The following KIF9 variants were observed in gnomAD, a reference collection of about 807,000 sequenced individuals.
The protein encoded by KIF9 is kinesin-like protein KIF9.
KIF9 carries 68 observed loss-of-function variants against 94.8 expected under a neutral mutation model. That is an observed-to-expected ratio of 0.72 (90% CI 0.59 to 0.88). The LOEUF is 0.88. KIF9 is among the 40% of genes least tolerant of loss of function. The probability of loss-of-function intolerance (pLI) is 0.00; values close to 1 mark genes in which losing one functional copy is unlikely to be tolerated. For missense variants in KIF9, 882 were observed against 982.5 expected, an observed-to-expected ratio of 0.90 and a Z score of 1.37; for synonymous variants, 343 against 362.1, an observed-to-expected ratio of 0.95 and a Z score of 0.60.
chr3:47,233,809 G>A (rs1385268437), intron 20 of KIF9, among the ~76,000 whole-genome samples: 2 of 151,884 alleles, frequency 1.3e-5, no homozygotes, highest in African/African-American at 2.4e-5. Context: ...CTGAGGGGAA[G>A]CCAGGCACGG....
chr3:47,272,849 A>T (rs903606229), intron 4 of KIF9, among the ~76,000 whole-genome samples: 1 of 152,202 alleles, frequency 6.6e-6, no homozygotes, highest in Non-Finnish European at 1.5e-5. Context: ...CTCCAAAAAC[A>T]GGAGCATGGA....
chr3:47,244,622 C>G (rs759385999), intron 15 of KIF9, 169 bp downstream of exon 15: 1 of 808,170 alleles, frequency 1.2e-6, no homozygotes, highest in African/African-American at 1.7e-5. Flanking sequence ...CGGTTCCAAA[C>G]CAGCCCCAGC....
chr3:47,282,136 T>C, intron 1 of KIF9: 2 of 963,146 alleles, frequency 2.1e-6, no homozygotes, highest in Non-Finnish European at 2.5e-6. Flanking sequence ...AGAGGTTTCC[T>C]CACCTGTAAC....
chr3:47,251,204 C>A (rs1400651939), intron 10 of KIF9, among the ~76,000 whole-genome samples: 1 of 152,214 alleles, frequency 6.6e-6, no homozygotes, highest in Non-Finnish European at 1.5e-5. Flanking sequence ...CATCAGGGTC[C>A]TCCAGCTTGA....
At chr3:47,278,749 A>G (rs1414855032) in intron 1 of KIF9, among the ~76,000 whole-genome samples, 1 of 152,050 alleles carries the variant, frequency 6.6e-6, no homozygotes, top group Non-Finnish European at 1.5e-5. Context: ...AGGCAGGTGG[A>G]TTACCTGAGG....
chr3:47,266,569 T>C (rs1378185515), intron 7 of KIF9, among the ~76,000 whole-genome samples: 1 of 152,140 alleles, frequency 6.6e-6, no homozygotes, highest in African/African-American at 2.4e-5. Flanking sequence ...CACTTGAGCC[T>C]GGGAGGTCAA....
At chr3:47,266,185 C>T (rs1276000395) in intron 7 of KIF9, 1 of 282,248 alleles carries the variant, frequency 3.5e-6, no homozygotes, top group African/African-American at 2.1e-5. Flanking sequence ...TACTGAAATA[C>T]TTGTCTAGAT....
intron 10 of KIF9, among the ~76,000 whole-genome samples, chr3:47,249,239 G>A (rs551148430): frequency 1.3e-5 from 2 of 150,562 alleles, no homozygotes; most frequent in East Asian, 2.0e-4. Context: ...TCTGCCTCCC[G>A]GGTTCATGTA....
chr3:47,241,815 GTA>G (rs1265611025), intron 16 of KIF9, among the ~76,000 whole-genome samples: 2 of 126,370 alleles, frequency 1.6e-5, no homozygotes, highest in African/African-American at 6.2e-5. Context: ...ATGTATATAT[GTA>G]TATATATACA....
chr3:47,275,177 C>T (rs1482558529), intron 3 of KIF9, 148 bp downstream of exon 3: 2 of 644,656 alleles, frequency 3.1e-6, no homozygotes, highest in Non-Finnish European at 5.2e-6. Flanking sequence ...TGTCAACAAG[C>T]AAACAGTAAG....
intron 7 of KIF9, 43 bp from the exon 8 acceptor site, chr3:47,265,920 GCTGCCCC>G: frequency 6.2e-7 from 1 of 1,607,770 alleles, no homozygotes; most frequent in East Asian, 2.2e-5. Flanking sequence ...GAATAAAGCA[GCTGCCCC>G]ACTAAGAATA....
chr3:47,241,090 T>C (rs1699445277), intron 16 of KIF9, 75 bp from the exon 17 acceptor site: 1 of 1,343,238 alleles, frequency 7.4e-7, no homozygotes, highest in Non-Finnish European at 1.1e-6. Flanking sequence ...TTCATCTTTC[T>C]TCCCTGGGAC....
intron 1 of KIF9, among the ~76,000 whole-genome samples, chr3:47,280,446 C>T (rs960267875): frequency 2.0e-5 from 3 of 152,244 alleles, no homozygotes; most frequent in African/African-American, 7.2e-5. Context: ...GTGGCTCACG[C>T]CTGTAATCCC....
At chr3:47,240,095 A>G (rs1222594759) in intron 17 of KIF9, 4 of 438,286 alleles carry the variant, frequency 9.1e-6, no homozygotes, top group African/African-American at 8.3e-5. Flanking sequence ...GCCCTCTCAG[A>G]TAAGTCATCT....
Position 47,230,531 on chromosome 3 carries a change from G to C in KIF9, c.2323-1829C>G, listed in dbSNP as rs950602528. Among the ~76,000 whole-genome samples, 11 of 151,266 alleles carry C rather than the reference G, an allele frequency of 7.3e-5. No homozygotes were observed. The South Asian group carries it at 2.3e-3, about 32-fold the overall frequency. On this transcript the variant is annotated intron_variant, in intron 20 of 20. Transcript: ENST00000684063. The stretch of plus-strand genomic sequence containing the variant: ...GTGGATCACCCGAGGTCGGGAGTTC[G>C]AGACCAGCCTGACCAACAGGAAAAA...
rs1177265640 is a variant in KIF9, at chr3:47,267,038, A to T, written c.706T>A (p.Tyr236Asn). 2 of 1,613,742 alleles carry T rather than the reference A, an allele frequency of 1.2e-6. No homozygotes were observed. Among genetic ancestry groups the T allele is most frequent in the Admixed American group, 3.3e-5 (2 of 59,934 alleles). Residue 236 changes from tyrosine to asparagine, a missense_variant, in exon 7 of 21, where the codon TAC (tyrosine) becomes AAC (asparagine). By Grantham distance (143) the Tyr-to-Asn change is moderately radical. Coordinates refer to ENST00000684063, the MANE Select transcript of KIF9 (RefSeq NM_182902.4). ...AHSRTLSEEK[Y>N]ITSKINLVDL... ...ACCAAGTTAATTTTGGAAGTGATGT[A>T]CTTTTCCTCTGATAAGGTCCGGGAA... is the stretch of plus-strand genomic sequence containing the variant.
At chr3:47,282,136 T>G (rs1702413089) in intron 1 of KIF9, 1 of 963,146 alleles carries the variant, frequency 1.0e-6, no homozygotes, top group African/African-American at 1.8e-5. Flanking sequence ...AGAGGTTTCC[T>G]CACCTGTAAC....
chr3:47,282,217 AC>A, intron 1 of KIF9: 1 of 985,504 alleles, frequency 1.0e-6, no homozygotes, highest in South Asian at 4.7e-5. Flanking sequence ...AAGAGTCCAG[AC>A]GACCTCTGGC....
chr3:47,271,287 A>G lies in KIF9; in HGVS notation c.541T>C (p.Ser181Pro). The change falls in exon 5 of 21, where the codon TCA (serine) becomes CCA (proline). Residue 181 changes from serine to proline, a missense_variant. Transcript: ENST00000684063. ...TCCTCCTGACTTGTGAGGTGAACTG[A>G]CAAGCCCTTAATGAAGACTCCTTGA... ...NPQGVFIKGL[S>P]VHLTSQEEDA... 1 of 1,614,134 alleles carries G rather than the reference A, an allele frequency of 6.2e-7. No individual in the cohort carries two copies. The highest frequency in any genetic ancestry group is 8.5e-7 in the Non-Finnish European group (1 of 1,180,006).
Sources: gnomAD v4.1 joint callset for allele counts (sites outside exome capture counted in the v4.1 genomes callset) on GRCh38, gnomAD v4.1.1 for gene constraint, MANE v1.5 for transcripts, NCBI Gene and HGNC (gene_info 2026-07-23, HGNC 2026-07-21) for gene names.